Variants in RUNX1 observed in about 807,000 individuals in gnomAD.
The protein encoded by RUNX1 is runt-related transcription factor 1.
In RUNX1, 19 loss-of-function variants were observed where a neutral mutation model predicts 42.8. The ratio of observed to expected loss-of-function variants is 0.44; its 90% confidence interval spans 0.31 to 0.65. The LOEUF (loss-of-function observed/expected upper bound fraction) is 0.65, where lower values mean the gene tolerates loss of function less well. Ranked by LOEUF, RUNX1 falls within the 30% of genes least tolerant of loss-of-function variation. RUNX1 has a pLI of 0.07. For synonymous variants in RUNX1, 271 were observed against 289.4 expected, an observed-to-expected ratio of 0.94 and a Z score of 0.64; for missense variants, 528 against 672.0, an observed-to-expected ratio of 0.79 and a Z score of 2.37.
chr21:34,955,609 C>A (rs921851676), intron 2 of RUNX1, among the ~76,000 whole-genome samples: 1 of 152,134 alleles, frequency 6.6e-6, no homozygotes, highest in Non-Finnish European at 1.5e-5. Context: ...AACAGAATAA[C>A]AACCTGAAAA....
At chr21:34,889,894 C>T in intron 3 of RUNX1, 6 of 1,035,034 alleles carry the variant, frequency 5.8e-6, no homozygotes, top group Non-Finnish European at 7.1e-6. Context: ...GCCTCTCATC[C>T]ACCCCGGGGC....
intron 2 of RUNX1, among the ~76,000 whole-genome samples, chr21:34,912,892 G>A (rs147370178): frequency 7.2e-4 from 109 of 152,320 alleles, no homozygotes; most frequent in African/African-American, 2.5e-3. Context: ...GGGTGGGGCT[G>A]GGGGGCCTTC....
intron 2 of RUNX1, among the ~76,000 whole-genome samples, chr21:34,955,946 T>G (rs1217828593): frequency 6.6e-6 from 1 of 152,240 alleles, no homozygotes. Context: ...TTGGCTCAAA[T>G]TTCTTTTAGT....
chr21:34,986,386 G>A (rs1463767638), intron 2 of RUNX1, among the ~76,000 whole-genome samples: 1 of 151,700 alleles, frequency 6.6e-6, no homozygotes, highest in Non-Finnish European at 1.5e-5. Flanking sequence ...TCAAAATTGA[G>A]GATGGAATAA....
intron 2 of RUNX1, among the ~76,000 whole-genome samples, chr21:35,016,129 T>C (rs1434985703): frequency 2.0e-5 from 3 of 152,210 alleles, no homozygotes; most frequent in African/African-American, 7.2e-5. Flanking sequence ...ATGCTGGGCA[T>C]AATGGAAACA....
chr21:34,984,377 A>C (rs2058869256), intron 2 of RUNX1, among the ~76,000 whole-genome samples: 1 of 152,172 alleles, frequency 6.6e-6, no homozygotes, highest in South Asian at 2.1e-4. Flanking sequence ...GGCCAATCTC[A>C]GTATGTCATT....
intron 2 of RUNX1, among the ~76,000 whole-genome samples, chr21:34,913,046 C>T (rs770832436): frequency 3.9e-5 from 6 of 152,156 alleles, no homozygotes; most frequent in Non-Finnish European, 8.8e-5. Context: ...GCCTGGTCAA[C>T]ATAGTGAAAC....
intron 2 of RUNX1, among the ~76,000 whole-genome samples, chr21:34,937,240 T>C (rs920277009): frequency 7.9e-5 from 12 of 151,316 alleles, no homozygotes; most frequent in African/African-American, 2.9e-4. Context: ...CAATTATTAT[T>C]ATTATTGTTA....
intron 2 of RUNX1, among the ~76,000 whole-genome samples, chr21:34,894,688 G>C (rs1165726846): frequency 6.6e-6 from 1 of 152,046 alleles, no homozygotes; most frequent in Admixed American, 6.6e-5. Context: ...CTCTCTCTCT[G>C]TCTCTCTCTT....
At chr21:34,873,566 G>A (rs1016231080) in intron 5 of RUNX1, among the ~76,000 whole-genome samples, 10 of 152,212 alleles carry the variant, frequency 6.6e-5, no homozygotes, top group East Asian at 1.9e-4. Flanking sequence ...CAGAGGAAAC[G>A]CATTTTCAGT....
chr21:34,819,384 C>A (rs1177432383), intron 7 of RUNX1, among the ~76,000 whole-genome samples: 1 of 152,216 alleles, frequency 6.6e-6, no homozygotes, highest in African/African-American at 2.4e-5. Flanking sequence ...CTGCTAGTTA[C>A]TGCCATGCTC....
intron 2 of RUNX1, among the ~76,000 whole-genome samples, chr21:34,917,271 A>G (rs2058318631): frequency 6.6e-6 from 1 of 152,204 alleles, no homozygotes; most frequent in South Asian, 2.1e-4. Context: ...GGGCTGTGGA[A>G]GCCAAGGAAA....
chr21:34,827,852 G>A (rs1026335644), intron 7 of RUNX1, among the ~76,000 whole-genome samples: 12 of 152,204 alleles, frequency 7.9e-5, no homozygotes, highest in South Asian at 2.1e-4. Context: ...CCTAGATTAC[G>A]AAGGATGCCA....
Position 34,903,084 on chromosome 21 carries a change from A to G in RUNX1, c.59-10121T>C, listed in dbSNP as rs565896344. On this transcript the variant is annotated intron_variant, in intron 2 of 8. Transcript: ENST00000675419. ...ATTTAAAACAAGTATACACATAAAA[A>G]TAACTCTGAGATTCTGCATCTTCTA... Among the ~76,000 whole-genome samples, 14 of 152,364 alleles carry G rather than the reference A, an allele frequency of 9.2e-5. No homozygotes were observed. The South Asian group carries it at 2.7e-3, about 29-fold the overall frequency.
chr21:34,906,233 A>C (rs1378387734), intron 2 of RUNX1, among the ~76,000 whole-genome samples: 1 of 152,160 alleles, frequency 6.6e-6, no homozygotes, highest in Non-Finnish European at 1.5e-5. Flanking sequence ...AATGCATTAG[A>C]TTTGGGTTAT....
intron 2 of RUNX1, among the ~76,000 whole-genome samples, chr21:34,991,720 TGTTCCCCAAA>T (rs2058942889): frequency 6.6e-6 from 1 of 152,164 alleles, no homozygotes; most frequent in Non-Finnish European, 1.5e-5. Flanking sequence ...GGTTGTGTAG[TGTTCCCCAAA>T]GTTCATGTCC....
intron 2 of RUNX1, among the ~76,000 whole-genome samples, chr21:34,943,085 A>G (rs1254842556): frequency 6.6e-6 from 1 of 152,210 alleles, no homozygotes; most frequent in Non-Finnish European, 1.5e-5. Context: ...TATGGAAAGC[A>G]TAAAGGGGAA....
At chr21:34,794,803 T>C (rs2056502468) in intron 8 of RUNX1, among the ~76,000 whole-genome samples, 1 of 152,244 alleles carries the variant, frequency 6.6e-6, no homozygotes, top group Non-Finnish European at 1.5e-5. Flanking sequence ...TGGAGGGGGC[T>C]GTCTCGTTCA....
Position 34,788,814 on chromosome 21 carries a change from T to C in RUNX1, c.*3321A>G, listed in dbSNP as rs867185339. On this transcript the variant is annotated 3_prime_UTR_variant, in exon 9 of 9. Transcript: ENST00000675419. ...ATGTAAAATATGTTTTGTGAGATTA[T>C]TGTCAAACAAATTTTCATGTATAAA... 15 of 233,478 alleles carry C rather than the reference T, an allele frequency of 6.4e-5. No homozygotes were observed. The highest frequency in any genetic ancestry group is 1.1e-4 in the African/African-American group (5 of 45,342). The allele number at this position is 233,478 out of a possible 1,614,324, so 14.5% of individuals were successfully genotyped here.
Sources: gnomAD v4.1 joint callset for allele counts (sites outside exome capture counted in the v4.1 genomes callset) on GRCh38, gnomAD v4.1.1 for gene constraint, MANE v1.5 for transcripts, NCBI Gene and HGNC (gene_info 2026-07-23, HGNC 2026-07-21) for gene names.